ANKFN1: variants seen among roughly 807,000 people sequenced by gnomAD.
ANKFN1 encodes the protein ankyrin repeat and fibronectin type-III domain-containing protein 1.
ANKFN1 carries 74 observed loss-of-function variants against 108.7 expected under a neutral mutation model. The ratio of observed to expected loss-of-function variants is 0.68; its 90% confidence interval spans 0.56 to 0.83. The LOEUF is 0.83. ANKFN1 is among the 40% of genes least tolerant of loss of function. The pLI, the probability that ANKFN1 is intolerant of heterozygous loss-of-function variation, is 0.00. For missense variants in ANKFN1, 1,505 were observed against 1,382.3 expected, an observed-to-expected ratio of 1.09 and a Z score of -1.41; for synonymous variants, 547 against 516.2, an observed-to-expected ratio of 1.06 and a Z score of -0.81.
At chr17:56,305,619 A>G (rs1215221862) in intron 3 of ANKFN1, among the ~76,000 whole-genome samples, 1 of 152,210 alleles carries the variant, frequency 6.6e-6, no homozygotes, top group Non-Finnish European at 1.5e-5. Flanking sequence ...GCTGAACAGG[A>G]TCTTTCACAA....
At chr17:56,376,231 C>T (rs775090067) in intron 8 of ANKFN1, among the ~76,000 whole-genome samples, 1 of 152,174 alleles carries the variant, frequency 6.6e-6, no homozygotes, top group Non-Finnish European at 1.5e-5. Flanking sequence ...TTACTCTGCC[C>T]ACACCCTGTA....
chr17:56,284,775 T>TGTCGA (rs1454466775), intron 3 of ANKFN1, among the ~76,000 whole-genome samples: 2 of 151,826 alleles, frequency 1.3e-5, no homozygotes. Flanking sequence ...GGTTTAGGAG[T>TGTCGA]GTCGACGTGT....
intron 2 of ANKFN1, among the ~76,000 whole-genome samples, chr17:56,223,647 A>G (rs965953164): frequency 6.6e-6 from 1 of 152,238 alleles, no homozygotes; most frequent in Non-Finnish European, 1.5e-5. Flanking sequence ...AGAAGTCATG[A>G]AAAACAATCT....
intron 8 of ANKFN1, among the ~76,000 whole-genome samples, chr17:56,404,732 C>T (rs909430691): frequency 6.6e-6 from 1 of 152,022 alleles, no homozygotes; most frequent in Non-Finnish European, 1.5e-5. Context: ...TATGGAAGAG[C>T]CTTGTTTTGT....
At chr17:56,128,330 A>G (rs1272997921) in intron 4 of ANKFN1, among the ~76,000 whole-genome samples, 2 of 152,102 alleles carry the variant, frequency 1.3e-5, no homozygotes, top group Non-Finnish European at 2.9e-5. Context: ...CTAAGATTAC[A>G]AAATGTGTTT....
intron 1 of ANKFN1, among the ~76,000 whole-genome samples, chr17:56,186,202 A>G (rs772317220): frequency 6.6e-6 from 1 of 152,248 alleles, no homozygotes; most frequent in African/African-American, 2.4e-5. Flanking sequence ...CATGTAGTAT[A>G]CTGAACAAGT....
At position 56,482,342 on chromosome 17, in the gene ANKFN1, G is replaced by A. The variant is rs374484514; in HGVS notation, c.2092-14G>A. The A allele has an allele frequency of 4.5e-5, 71 of 1,577,914 alleles. No individual in the cohort carries two copies. The highest frequency in any genetic ancestry group is 4.5e-4 in the African/African-American group (33 of 73,632). ...TAACTCTCCTATTTTTCCTCCGCGC[G>A]TGTCCCTCTGCAGGCAAGGAACTTC... On this transcript the variant is annotated splice_polypyrimidine_tract_variant and intron_variant, in intron 17 of 20. Transcript: ENST00000682825.
intron 8 of ANKFN1, among the ~76,000 whole-genome samples, chr17:56,434,851 A>G (rs1030250475): frequency 3.9e-5 from 6 of 152,004 alleles, no homozygotes; most frequent in Admixed American, 3.9e-4. Context: ...AATTAGATGG[A>G]TCGGGGGAAG....
chr17:56,231,008 T>C (rs1916694657), intron 3 of ANKFN1, among the ~76,000 whole-genome samples: 1 of 152,088 alleles, frequency 6.6e-6, no homozygotes, highest in Admixed American at 6.6e-5. Context: ...TGGTTGGTTT[T>C]GGGGGAAGAA....
rs1010784655 is a variant in ANKFN1, at chr17:56,391,407, T to A, written c.910+16693T>A. On this transcript the variant is annotated intron_variant, in intron 8 of 20. Transcript: ENST00000682825. The stretch of plus-strand genomic sequence containing the variant: ...GTGTGTGTGTGTGTGTGTGTGTGTG[T>A]GTGTACATATATATATGTGCACACA... 2.1e-5 allele frequency among the ~76,000 whole-genome samples: 3 copies of A among 143,758 alleles called. No individual in the cohort carries two copies. In the East Asian group the frequency reaches 6.1e-4, roughly 29 times the overall value. The allele number at this position is 143,758 out of a possible 152,430, so 94.3% of individuals were successfully genotyped here.
rs149214838 is a variant in ANKFN1, at chr17:56,083,682, C to T, written c.288+37357C>T. On this transcript the variant is annotated intron_variant, in intron 4 of 12. Transcript: ENST00000635860. ...AAGCAAAAAGTGGAGCTGTCCAGTA[C>T]TCAGCAGAAACCGGCATCCAACAGC... 1.1e-4 allele frequency among the ~76,000 whole-genome samples: 16 copies of T among 151,368 alleles called. 1 individual carries two copies. The highest frequency in any genetic ancestry group is 3.9e-4 in the African/African-American group (16 of 41,306).
intron 2 of ANKFN1, among the ~76,000 whole-genome samples, chr17:56,222,140 G>T (rs1052488518): frequency 1.3e-5 from 2 of 152,180 alleles, no homozygotes; most frequent in Non-Finnish European, 2.9e-5. Context: ...GTATGGCTGA[G>T]GAGGAGCCCA....
chr17:56,502,334 C>T (rs1400121056), intron 20 of ANKFN1, among the ~76,000 whole-genome samples: 2 of 152,116 alleles, frequency 1.3e-5, no homozygotes, highest in Non-Finnish European at 2.9e-5. Context: ...ACGGGTTGCA[C>T]CACTCCCTGC....
intron 8 of ANKFN1, among the ~76,000 whole-genome samples, chr17:56,379,703 G>T (rs2047041842): frequency 6.6e-6 from 1 of 152,138 alleles, no homozygotes; most frequent in Non-Finnish European, 1.5e-5. Flanking sequence ...ACAGAAAGAG[G>T]TATCATCATT....
At chr17:56,050,034 C>T (rs1421135384) in intron 4 of ANKFN1, among the ~76,000 whole-genome samples, 1 of 151,950 alleles carries the variant, frequency 6.6e-6, no homozygotes, top group Non-Finnish European at 1.5e-5. Context: ...CCTATTTCTT[C>T]ACATCCTCTC....
intron 4 of ANKFN1, among the ~76,000 whole-genome samples, chr17:56,094,986 A>T (rs565081412): frequency 6.6e-6 from 1 of 151,200 alleles, no homozygotes; most frequent in Non-Finnish European, 1.5e-5. Flanking sequence ...TACAAATAGC[A>T]GTAAGGGTTA....
intron 6 of ANKFN1, among the ~76,000 whole-genome samples, chr17:56,354,408 T>C (rs1483341396): frequency 6.6e-6 from 1 of 150,588 alleles, no homozygotes; most frequent in Non-Finnish European, 1.5e-5. Flanking sequence ...GTCAATGCGG[T>C]GGCTTCATTC....
rs1184260887 is a variant in ANKFN1, at chr17:56,457,349, AC to A, written c.1401del (p.His467GlnfsTer22). Reference protein sequence around the residue: ...QVPIVEIDDSHTSSITQDFLW... With the variant: ...QVPIVEIDDSXTSSITQDFLW... ...CCAATTGTTGAAATAGATGACTCTC[AC>A]ACCAGTTCTATTACACAAGATTTTC... On this transcript the variant is annotated frameshift_variant, in exon 13 of 21. Coordinates refer to ENST00000682825, the MANE Select transcript of ANKFN1 (RefSeq NM_001370326.1). LOFTEE classifies it high-confidence loss of function. 1 of 1,605,984 alleles carries A rather than the reference AC, an allele frequency of 6.2e-7. No individual in the cohort carries two copies. Among genetic ancestry groups the A allele is most frequent in the Non-Finnish European group, 8.5e-7 (1 of 1,178,034 alleles).
intron 18 of ANKFN1, among the ~76,000 whole-genome samples, chr17:56,488,730 C>A (rs150590610): frequency 2.0e-5 from 3 of 152,282 alleles, no homozygotes; most frequent in Non-Finnish European, 2.9e-5. Context: ...CTAAATGGAC[C>A]CCAGGAGGTT....
Sources: allele counts gnomAD v4.1 joint callset (sites outside exome capture counted in the v4.1 genomes callset), GRCh38; gene constraint gnomAD v4.1.1; transcripts MANE v1.5; gene names NCBI Gene and HGNC (gene_info 2026-07-23, HGNC 2026-07-21).